Variants in PRKCQ observed in about 807,000 individuals in gnomAD.
The protein encoded by PRKCQ is protein kinase C theta type.
PRKCQ carries 41 observed loss-of-function variants against 91.2 expected under a neutral mutation model. The observed-to-expected ratio is 0.45, with a 90% CI of 0.35 to 0.58. The LOEUF (loss-of-function observed/expected upper bound fraction) is 0.58, where lower values mean the gene tolerates loss of function less well. Ranked by LOEUF, PRKCQ falls within the 20% of genes least tolerant of loss-of-function variation. The pLI, the probability that PRKCQ is intolerant of heterozygous loss-of-function variation, is 0.00. For synonymous variants in PRKCQ, 307 were observed against 316.9 expected (o/e 0.97, Z 0.33); for missense variants, 673 against 896.5 (o/e 0.75, Z 3.18).
chr10:6,486,195 C>T (rs758063962), intron 8 of PRKCQ, 51 bp from the exon 9 acceptor site: 15 of 1,435,992 alleles, frequency 1.0e-5, no homozygotes, highest in Non-Finnish European at 1.5e-5. Context: ...CCCCCTGGTG[C>T]TAAACAACTC....
At chr10:6,501,886 T>C (rs992058876) in intron 4 of PRKCQ, among the ~76,000 whole-genome samples, 1 of 152,038 alleles carries the variant, frequency 6.6e-6, no homozygotes, top group Non-Finnish European at 1.5e-5. Context: ...ACCACTTATA[T>C]TGGAGGCAAG....
chr10:6,480,726 A>G (rs1300684378), intron 11 of PRKCQ, among the ~76,000 whole-genome samples: 1 of 152,214 alleles, frequency 6.6e-6, no homozygotes, highest in African/African-American at 2.4e-5. Context: ...GTCATTTGTC[A>G]TTTGTTTCTG....
In PRKCQ at chr10:6,515,025, G is replaced by T; in HGVS notation, c.111C>A (p.Val37=). Residue 37 remains valine, a synonymous_variant, in exon 2 of 18, where the codon GTC becomes GTA. Transcript: ENST00000263125. ...AAATCCCCTCAAGCTTACCTGATTC[G>T]ACATACTCTTTGACGAGCACAGCAC... is the stretch of plus-strand genomic sequence containing the variant. ...PYCAVLVKEY[V]ESENGQMYIQ... 1 of 1,613,206 alleles carries T rather than the reference G, an allele frequency of 6.2e-7. No individual in the cohort carries two copies. The highest frequency in any genetic ancestry group is 8.5e-7 in the Non-Finnish European group (1 of 1,179,892).
chr10:6,482,159 GC>G (rs1836638118), intron 11 of PRKCQ, among the ~76,000 whole-genome samples: 1 of 152,070 alleles, frequency 6.6e-6, no homozygotes, highest in African/African-American at 2.4e-5. Context: ...TTTCTTATGG[GC>G]TGAATTGTGT....
intron 1 of PRKCQ, among the ~76,000 whole-genome samples, chr10:6,559,717 C>A (rs1213114420): frequency 6.6e-6 from 1 of 152,012 alleles, no homozygotes; most frequent in Non-Finnish European, 1.5e-5. Flanking sequence ...AGATATTTTT[C>A]TTCACTCTCC....
intron 15 of PRKCQ, among the ~76,000 whole-genome samples, chr10:6,443,172 C>T (rs1010531548): frequency 1.3e-5 from 2 of 152,126 alleles, no homozygotes; most frequent in Non-Finnish European, 2.9e-5. Context: ...CAATGAATTC[C>T]TTTTTGGACA....
At chr10:6,573,821 G>A (rs536439404) in intron 1 of PRKCQ, among the ~76,000 whole-genome samples, 1 of 152,328 alleles carries the variant, frequency 6.6e-6, no homozygotes, top group African/African-American at 2.4e-5. Flanking sequence ...TCCAGTTAAA[G>A]GCGAAAAGAG....
At chr10:6,399,720 C>A in the PRKCQ span, among the ~76,000 whole-genome samples, 2 of 152,140 alleles carry the variant, frequency 1.3e-5, no homozygotes, top group African/African-American at 4.8e-5. Context: ...CCTGGCCTTT[C>A]CCCCTAGAGT....
rs1564323994 is a variant in PRKCQ, at chr10:6,467,319, GAC to G, written c.1354-2917_1354-2916del. ...GCTGAGAGAGAGAGAGAGAGAGAGA[GAC>G]AGAGAGAGACAGACAGAGAGAGAGA... is the stretch of plus-strand genomic sequence containing the variant. On this transcript the variant is annotated intron_variant, in intron 12 of 17. Coordinates refer to ENST00000263125, the MANE Select transcript of PRKCQ (RefSeq NM_006257.5). Among the ~76,000 whole-genome samples, 20 of 119,494 alleles carry G rather than the reference GAC, an allele frequency of 1.7e-4. No individual in the cohort carries two copies. In the South Asian group the frequency reaches 2.5e-3, roughly 15 times the overall value. The allele number at this position is 119,494 out of a possible 152,430, so 78.4% of individuals were successfully genotyped here.
At chr10:6,529,187 A>G (rs113557320) in intron 1 of PRKCQ, among the ~76,000 whole-genome samples, 6 of 152,338 alleles carry the variant, frequency 3.9e-5, no homozygotes, top group African/African-American at 1.4e-4. Context: ...AAAGAAGCTA[A>G]CTTCATCAGA....
At chr10:6,458,302 G>C (rs1218503669) in intron 14 of PRKCQ, among the ~76,000 whole-genome samples, 1 of 152,190 alleles carries the variant, frequency 6.6e-6, no homozygotes, top group East Asian at 1.9e-4. Context: ...AGCCCCCCAT[G>C]GGGGTGAGGA....
At chr10:6,429,204 G>C (rs1833282447) in intron 17 of PRKCQ, among the ~76,000 whole-genome samples, 1 of 152,242 alleles carries the variant, frequency 6.6e-6, no homozygotes, top group Non-Finnish European at 1.5e-5. Context: ...AACTGGGAAT[G>C]TCCTTTAGGG....
intron 2 of PRKCQ, chr10:6,512,094 C>T (rs1838506104): frequency 6.6e-6 from 1 of 152,232 alleles, no homozygotes; most frequent in Non-Finnish European, 1.5e-5. Context: ...GTGTGTTCAT[C>T]TGAAAGACAT....
chr10:6,509,399 A>T (rs1413375889), intron 3 of PRKCQ, among the ~76,000 whole-genome samples: 1 of 143,056 alleles, frequency 7.0e-6, no homozygotes, highest in Non-Finnish European at 1.6e-5. Flanking sequence ...ACGACTCTTT[A>T]AAAAAAAAAT....
intron 1 of PRKCQ, among the ~76,000 whole-genome samples, chr10:6,550,117 G>A (rs1390236014): frequency 6.6e-6 from 1 of 152,086 alleles, no homozygotes; most frequent in Admixed American, 6.5e-5. Context: ...CCGTTTCTGT[G>A]AATTTGACTA....
At chr10:6,564,734 T>C (rs144453455) in intron 1 of PRKCQ, among the ~76,000 whole-genome samples, 1 of 152,320 alleles carries the variant, frequency 6.6e-6, no homozygotes, top group African/African-American at 2.4e-5. Flanking sequence ...TGCTGTTTTT[T>C]TAAGCCACTA....
At chr10:6,406,985 A>G in the PRKCQ span, among the ~76,000 whole-genome samples, 149,154 of 152,336 alleles carry the variant, frequency 0.98, 73,087 homozygotes, top group Non-Finnish European at 1. Flanking sequence ...AAAATATACC[A>G]TCCTTTGTAT....
chr10:6,472,993 G>A (rs1216978704), intron 12 of PRKCQ, among the ~76,000 whole-genome samples: 1 of 152,222 alleles, frequency 6.6e-6, no homozygotes, highest in African/African-American at 2.4e-5. Flanking sequence ...GATTACAGGT[G>A]TGAGCCACCG....
In PRKCQ at chr10:6,436,903, C is replaced by G. The variant is rs372531416; in HGVS notation, c.1836+4990G>C. 3.4e-4 allele frequency among the ~76,000 whole-genome samples: 52 copies of G among 152,324 alleles called. 2 individuals carry two copies. In the South Asian group the frequency reaches 5.4e-3, roughly 16 times the overall value. ...TCTGGTTACCTCTGTCCCTCCTTCACTCTCCGTCCTGGCCTGAAGTATTGC... is the reference window on the plus strand; with the variant it reads ...TCTGGTTACCTCTGTCCCTCCTTCAGTCTCCGTCCTGGCCTGAAGTATTGC... On this transcript the variant is annotated intron_variant, in intron 16 of 17. Transcript: ENST00000263125.
Sources: allele counts gnomAD v4.1 joint callset (sites outside exome capture counted in the v4.1 genomes callset), GRCh38; gene constraint gnomAD v4.1.1; transcripts MANE v1.5; gene names NCBI Gene and HGNC (gene_info 2026-07-23, HGNC 2026-07-21).